The following CIAO2A variants were observed in gnomAD, a reference collection of about 807,000 sequenced individuals.
The protein encoded by CIAO2A is cytosolic iron-sulfur assembly component 2A.
In CIAO2A, 17 loss-of-function variants were observed where a neutral mutation model predicts 22.4. The observed-to-expected ratio is 0.76, with a 90% CI of 0.52 to 1.14. The LOEUF (loss-of-function observed/expected upper bound fraction) is 1.14. Ranked by LOEUF, CIAO2A falls within the 50% of genes most tolerant of loss-of-function variation. The pLI is 0.00. For synonymous variants in CIAO2A, 74 were observed against 72.3 expected, an observed-to-expected ratio of 1.02 and a Z score of -0.12; for missense variants, 192 against 191.4, an observed-to-expected ratio of 1.00 and a Z score of -0.02.
rs758987507 is a variant in CIAO2A at position 64,093,686 on chromosome 15, C to T, written c.83G>A (p.Arg28Gln). ...LSGLSEPGAARQPRIMEEKAL... is the reference protein window; with the variant it reads ...LSGLSEPGAAQQPRIMEEKAL... ...TTTCTCTTCCATGATCCGGGGCTGC[C>T]GGGCAGCTCCCGGCTCAGAGAGGCC... Residue 28 changes from arginine to glutamine, a missense_variant, in exon 1 of 5, where the codon CGG becomes CAG. Transcript: ENST00000300030. 1.2e-6 allele frequency: 2 copies of T among 1,613,908 alleles called. No individual in the cohort carries two copies. Among genetic ancestry groups the T allele is most frequent in the Middle Eastern group, 1.7e-4 (1 of 6,048 alleles).
At position 64,093,795 on chromosome 15, in the gene CIAO2A, T is replaced by C; in HGVS notation, c.-27A>G. On this transcript the variant is annotated 5_prime_UTR_variant, in exon 1 of 5. Transcript: ENST00000300030. ...TTCACGCTCAGCCATCCCTGGCGACTGTCCCAATCGCGCCACCGTCTCTCA... is the reference window on the plus strand; with the variant it reads ...TTCACGCTCAGCCATCCCTGGCGACCGTCCCAATCGCGCCACCGTCTCTCA... 2 of 1,604,472 alleles carry C rather than the reference T, an allele frequency of 1.2e-6. No individual in the cohort carries two copies. Among genetic ancestry groups the C allele is most frequent in the Non-Finnish European group, 1.7e-6 (2 of 1,172,886 alleles).
intron 1 of CIAO2A, among the ~76,000 whole-genome samples, chr15:64,092,256 T>C (rs577424480): frequency 4.6e-5 from 7 of 152,088 alleles, no homozygotes; most frequent in Non-Finnish European, 8.8e-5. Context: ...CCCTATCCTA[T>C]AGCCCCATCT....
At chr15:64,073,832 C>T (rs1377781011) in intron 4 of CIAO2A, 3 of 152,190 alleles carry the variant, frequency 2.0e-5, no homozygotes, top group African/African-American at 7.2e-5. Flanking sequence ...CAAACTCCTT[C>T]CCTCAAGGCA....
intron 2 of CIAO2A, among the ~76,000 whole-genome samples, chr15:64,088,020 A>G (rs188523665): frequency 1.4e-4 from 21 of 152,312 alleles, no homozygotes; most frequent in Admixed American, 1.4e-3. Flanking sequence ...TCTTTTTTAT[A>G]GCTGCATAGT....
At chr15:64,090,072 G>C (rs747582464) in intron 1 of CIAO2A, 1 of 152,408 alleles carries the variant, frequency 6.6e-6, no homozygotes, top group East Asian at 1.9e-4. Flanking sequence ...GGCCGGGCGC[G>C]TGGTTCAGGC....
At chr15:64,081,006 G>A (rs1415058633) in intron 3 of CIAO2A, 96 bp downstream of exon 3, 1 of 1,203,378 alleles carries the variant, frequency 8.3e-7, no homozygotes, top group Non-Finnish European at 1.2e-6. Context: ...CCACTGAATT[G>A]GTACACTTTA....
chr15:64,088,640 T>C (rs2080815754), intron 2 of CIAO2A, 47 bp downstream of exon 2: 1 of 1,442,830 alleles, frequency 6.9e-7, no homozygotes, highest in Non-Finnish European at 9.3e-7. Context: ...TCAGCAAGAA[T>C]AACTTAGAAT....
intron 3 of CIAO2A, among the ~76,000 whole-genome samples, chr15:64,078,400 T>C (rs953132276): frequency 1.3e-5 from 2 of 152,024 alleles, no homozygotes; most frequent in Non-Finnish European, 2.9e-5. Context: ...TTTGGGAGGC[T>C]AAGGCGGGTG....
Position 64,081,135 on chromosome 15 carries a change from T to C in CIAO2A, c.306A>G (p.Val102=), listed in dbSNP as rs748446209. ...LATLIGLCLR[V]KLQRCLPFKH... ...TAAATGGTAAACATCGCTGAAGTTT[T>C]ACTCTTAAGCACAGCCCTGTGGAGG... The change falls in exon 3 of 5, where the codon GTA becomes GTG. Residue 102 remains valine (V), a synonymous_variant. Transcript: ENST00000300030. The C allele has an allele frequency of 3.7e-6, 6 of 1,613,792 alleles. No individual in the cohort carries two copies. In the East Asian group the frequency reaches 6.7e-5, roughly 18 times the overall value.
At position 64,093,818 on chromosome 15, in the gene CIAO2A, T is replaced by G. The variant is rs778687356; in HGVS notation, c.-50A>C. 63 of 1,594,206 alleles carry G rather than the reference T, an allele frequency of 4.0e-5. 1 individual carries two copies. The Admixed American group carries it at 4.4e-4, about 11-fold the overall frequency. Reference sequence around the variant, plus strand: ...ACTGTCCCAATCGCGCCACCGTCTCTCAGCAGCCTCGGGATTGATCAACTT... The same window carrying G: ...ACTGTCCCAATCGCGCCACCGTCTCGCAGCAGCCTCGGGATTGATCAACTT... On this transcript the variant is annotated 5_prime_UTR_variant, in exon 1 of 5. Coordinates refer to ENST00000300030, the MANE Select transcript of CIAO2A (RefSeq NM_032231.7).
At position 64,088,843 on chromosome 15, in the gene CIAO2A, T is replaced by G; in HGVS notation, c.133A>C (p.Arg45=). 6.2e-7 allele frequency: 1 copy of G among 1,607,686 alleles called. No homozygotes were observed. Among genetic ancestry groups the G allele is most frequent in the Non-Finnish European group, 8.5e-7 (1 of 1,178,440 alleles). The change falls in exon 2 of 5, where the codon AGA becomes CGA. Residue 45 remains arginine (R), a synonymous_variant. Coordinates refer to ENST00000300030, the MANE Select transcript of CIAO2A (RefSeq NM_032231.7). ...GGCTTTTCTGGGTCCCGGATAGTTC[T>G]AATCAAATCTAAAGAATCATCAGAG... ...EKALEVYDLI[R]TIRDPEKPNT... is the part of the protein sequence containing the mutation.
At chr15:64,084,109 C>A (rs994370272) in intron 2 of CIAO2A, among the ~76,000 whole-genome samples, 2 of 152,160 alleles carry the variant, frequency 1.3e-5, no homozygotes, top group African/African-American at 2.4e-5. Flanking sequence ...GTTTTTATTT[C>A]ATGCACTCTC....
At chr15:64,085,158 A>C (rs778909130) in intron 2 of CIAO2A, among the ~76,000 whole-genome samples, 2 of 152,232 alleles carry the variant, frequency 1.3e-5, no homozygotes, top group African/African-American at 2.4e-5. Context: ...TAATTGCAAA[A>C]GGCTAGAAGT....
At chr15:64,078,785 G>A (rs368499768) in intron 3 of CIAO2A, among the ~76,000 whole-genome samples, 1 of 152,058 alleles carries the variant, frequency 6.6e-6, no homozygotes, top group South Asian at 2.1e-4. Context: ...GCTCACGCCT[G>A]TAATCCGAAA....
rs776499715 is a variant in CIAO2A at position 64,088,837 on chromosome 15, T to G, written c.139A>C (p.Ile47Leu). The change falls in exon 2 of 5, where the codon ATC becomes CTC. Residue 47 changes from isoleucine (I) to leucine (L), a missense_variant. Physicochemically the swap from Ile to Leu is conservative, Grantham distance 5. Coordinates refer to ENST00000300030, the MANE Select transcript of CIAO2A (RefSeq NM_032231.7). ...ALEVYDLIRT[I>L]RDPEKPNTLE... ...GTATTGGGCTTTTCTGGGTCCCGGA[T>G]AGTTCTAATCAAATCTAAAGAATCA... The G allele has an allele frequency of 1.0e-4, 165 of 1,612,492 alleles. 2 individuals are homozygous for G. The South Asian group carries it at 1.6e-3, about 16-fold the overall frequency.
At chr15:64,088,987 A>G in intron 1 of CIAO2A, 136 bp from the exon 2 acceptor site, 1 of 734,704 alleles carries the variant, frequency 1.4e-6, no homozygotes, top group South Asian at 2.0e-5. Flanking sequence ...GGTTTCTGAC[A>G]GAAATTTTCA....
At chr15:64,085,996 C>A (rs578188351) in intron 2 of CIAO2A, among the ~76,000 whole-genome samples, 1 of 151,946 alleles carries the variant, frequency 6.6e-6, no homozygotes, top group African/African-American at 2.4e-5. Flanking sequence ...GAGTGAGCCA[C>A]TGCACCCAGT....
At chr15:64,093,593 G>C in intron 1 of CIAO2A, 52 bp downstream of exon 1, 1 of 1,574,098 alleles carries the variant, frequency 6.4e-7, no homozygotes, top group Non-Finnish European at 8.7e-7. Context: ...GCACCCCTCA[G>C]CTCCGGCCTG....
chr15:64,093,762 G>A lies in CIAO2A; in HGVS notation c.7C>T (p.Arg3Trp), dbSNP rs1159367202. ...GTCCAGGAGAGCAGCCCGGACACCC[G>A]CTGCATCTTCACGCTCAGCCATCCC... MQ[R>W]VSGLLSWTLS... Residue 3 changes from arginine to tryptophan, a missense_variant, in exon 1 of 5, where the codon CGG becomes TGG. Transcript: ENST00000300030. 1.2e-6 allele frequency: 2 copies of A among 1,610,222 alleles called. No homozygotes were observed. The highest frequency in any genetic ancestry group is 1.3e-5 in the African/African-American group (1 of 74,810).
Sources: allele counts gnomAD v4.1 joint callset (sites outside exome capture counted in the v4.1 genomes callset), GRCh38; gene constraint gnomAD v4.1.1; transcripts MANE v1.5; gene names NCBI Gene and HGNC (gene_info 2026-07-23, HGNC 2026-07-21).